HS3ST5: variants seen among roughly 807,000 people sequenced by gnomAD.
HS3ST5 encodes heparan sulfate glucosamine 3-O-sulfotransferase 5.
In HS3ST5, 10 loss-of-function variants were observed where a neutral mutation model predicts 25.4. That is an observed-to-expected ratio of 0.39 (90% CI 0.24 to 0.67). HS3ST5 has a LOEUF of 0.67. Among genes scored for constraint, HS3ST5 ranks in the 30% least tolerant of loss-of-function variants. HS3ST5 has a pLI of 0.44. For missense variants in HS3ST5, 324 were observed against 420.7 expected (o/e 0.77, Z 2.01); for synonymous variants, 170 against 162.4 (o/e 1.05, Z -0.36).
At chr6:114,215,363 G>A (rs1479465442) in intron 2 of HS3ST5, among the ~76,000 whole-genome samples, 1 of 152,000 alleles carries the variant, frequency 6.6e-6, no homozygotes, top group Non-Finnish European at 1.5e-5. Flanking sequence ...CAGAGAAATC[G>A]AGTCTTCTTG....
At chr6:114,274,289 G>A (rs1345362460) in intron 1 of HS3ST5, among the ~76,000 whole-genome samples, 1 of 152,060 alleles carries the variant, frequency 6.6e-6, no homozygotes, top group Admixed American at 6.6e-5. Context: ...GATATGTGGA[G>A]TTTTGAGAAG....
intron 1 of HS3ST5, among the ~76,000 whole-genome samples, chr6:114,247,283 A>G (rs931230723): frequency 6.6e-6 from 1 of 152,170 alleles, no homozygotes; most frequent in Non-Finnish European, 1.5e-5. Context: ...AGAGGTGTCA[A>G]TTTGAATTGG....
chr6:114,282,706 T>C (rs1774169911), intron 1 of HS3ST5, among the ~76,000 whole-genome samples: 1 of 152,026 alleles, frequency 6.6e-6, no homozygotes, highest in African/African-American at 2.4e-5. Context: ...TGTCTCCCTT[T>C]TTCCTCCTCC....
chr6:114,333,092 G>T (rs1776468138), intron 1 of HS3ST5, among the ~76,000 whole-genome samples: 1 of 152,288 alleles, frequency 6.6e-6, no homozygotes, highest in South Asian at 2.1e-4. Flanking sequence ...CATTGAAGAG[G>T]ATGGAGATCC....
intron 2 of HS3ST5, among the ~76,000 whole-genome samples, chr6:114,181,036 G>C (rs1197054796): frequency 6.6e-6 from 1 of 152,164 alleles, no homozygotes. Context: ...TGCATATCTA[G>C]GTTAAATGTG....
chr6:114,199,129 G>C (rs1037348324), intron 2 of HS3ST5, among the ~76,000 whole-genome samples: 1 of 152,126 alleles, frequency 6.6e-6, no homozygotes, highest in Admixed American at 6.5e-5. Context: ...TATTATGAAA[G>C]TGATAAAATA....
chr6:114,315,144 TA>T (rs1775695801), intron 1 of HS3ST5, among the ~76,000 whole-genome samples: 1 of 152,158 alleles, frequency 6.6e-6, no homozygotes, highest in Non-Finnish European at 1.5e-5. Flanking sequence ...CCTTTGTGGA[TA>T]TAAGAGCATT....
rs1489254517 is a variant in HS3ST5, at chr6:114,056,419, G to T, written c.*838C>A. On this transcript the variant is annotated 3_prime_UTR_variant, in exon 5 of 5. Coordinates refer to ENST00000312719, the MANE Select transcript of HS3ST5 (RefSeq NM_153612.4). ...GCTTCCATTTTGGAAGCCAGCAGGGGGCACGTAAAACAAAATGAGTAAAAA... is the reference window on the plus strand; with the variant it reads ...GCTTCCATTTTGGAAGCCAGCAGGGTGCACGTAAAACAAAATGAGTAAAAA... 6.7e-6 allele frequency: 1 copy of T among 149,414 alleles called. No homozygotes were observed. The highest frequency in any genetic ancestry group is 1.5e-5 in the Non-Finnish European group (1 of 67,572). 9.3% of individuals were successfully genotyped at this position (149,414 alleles called of 1,614,324 possible). A position where few individuals can be genotyped will look rare whatever the true frequency, so the allele number is the denominator to read the frequency against.
At chr6:114,140,627 A>G (rs1431912595) in intron 3 of HS3ST5, among the ~76,000 whole-genome samples, 1 of 152,226 alleles carries the variant, frequency 6.6e-6, no homozygotes, top group African/African-American at 2.4e-5. Context: ...TGTGAATCCA[A>G]CACAGGGCAT....
chr6:114,324,780 A>C (rs973956172), intron 1 of HS3ST5, among the ~76,000 whole-genome samples: 1 of 152,164 alleles, frequency 6.6e-6, no homozygotes, highest in African/African-American at 2.4e-5. Flanking sequence ...ATTCAGATGG[A>C]CCAGGGATGG....
intron 2 of HS3ST5, among the ~76,000 whole-genome samples, chr6:114,185,741 C>CTTT (rs780172108): frequency 7.5e-6 from 1 of 133,598 alleles, no homozygotes. Context: ...TTCTTTCTTT[C>CTTT]TTTTTTTTTT....
At chr6:114,146,045 G>GA (rs967735318) in intron 3 of HS3ST5, among the ~76,000 whole-genome samples, 1 of 152,016 alleles carries the variant, frequency 6.6e-6, no homozygotes, top group Non-Finnish European at 1.5e-5. Context: ...ATTTTCAATA[G>GA]AAAAAAATAG....
chr6:114,066,163 C>G (rs1473097735), intron 3 of HS3ST5, among the ~76,000 whole-genome samples: 15 of 152,172 alleles, frequency 9.9e-5, no homozygotes, highest in Admixed American at 6.5e-5. Context: ...CATCTCCTAG[C>G]AATGGGGCAA....
intron 3 of HS3ST5, among the ~76,000 whole-genome samples, chr6:114,127,889 G>T (rs547362128): frequency 9.3e-4 from 139 of 150,264 alleles, no homozygotes; most frequent in African/African-American, 2.9e-3. Flanking sequence ...TATATAGAGA[G>T]AGAGAGACAT....
chr6:114,328,563 C>T (rs1776265837), intron 1 of HS3ST5, among the ~76,000 whole-genome samples: 1 of 152,222 alleles, frequency 6.6e-6, no homozygotes, highest in Non-Finnish European at 1.5e-5. Context: ...ACCATAGACA[C>T]TCCCACGTAG....
In HS3ST5 at chr6:114,246,090, A is replaced by G. The variant is rs2349212; in HGVS notation, c.-338-17312T>C. 3.1e-3 allele frequency among the ~76,000 whole-genome samples: 476 copies of G among 152,326 alleles called. 6 individuals carry two copies. The highest frequency in any genetic ancestry group is 0.011 in the African/African-American group (456 of 41,570). ...CACTGGACCTAGCCTGGAAATTCTC[A>G]GCAGCTATAACCCAGGATACAGCAC... On this transcript the variant is annotated intron_variant, in intron 1 of 4. Coordinates refer to ENST00000312719, the MANE Select transcript of HS3ST5 (RefSeq NM_153612.4).
intron 1 of HS3ST5, among the ~76,000 whole-genome samples, chr6:114,233,826 G>T (rs1206668091): frequency 1.3e-5 from 2 of 152,146 alleles, no homozygotes; most frequent in African/African-American, 4.8e-5. Context: ...AGATTCAAAA[G>T]TAGGTATGAA....
chr6:114,088,944 A>T (rs1427721593), intron 3 of HS3ST5: 2 of 152,230 alleles, frequency 1.3e-5, no homozygotes, highest in Non-Finnish European at 2.9e-5. Flanking sequence ...CAGATGAAGG[A>T]GCTGAGGCTG....
At chr6:114,286,313 G>C (rs1160735292) in intron 1 of HS3ST5, among the ~76,000 whole-genome samples, 1 of 151,836 alleles carries the variant, frequency 6.6e-6, no homozygotes, top group African/African-American at 2.4e-5. Context: ...CGGCTGAGGG[G>C]AGGAAAAAAT....
Sources: allele counts gnomAD v4.1 joint callset (sites outside exome capture counted in the v4.1 genomes callset), GRCh38; gene constraint gnomAD v4.1.1; transcripts MANE v1.5; gene names NCBI Gene and HGNC (gene_info 2026-07-23, HGNC 2026-07-21).